CCDC60: variants seen among roughly 807,000 people sequenced by gnomAD.
The protein encoded by CCDC60 is coiled-coil domain containing 60.
Under a neutral mutation model 63.5 loss-of-function variants are expected in CCDC60, and 54 were observed. The observed-to-expected ratio is 0.85, with a 90% CI of 0.68 to 1.07. The LOEUF is 1.07. CCDC60 is among the 50% of genes least tolerant of loss of function. CCDC60 has a pLI of 0.00. For synonymous variants in CCDC60, 206 were observed against 238.8 expected, an observed-to-expected ratio of 0.86 and a Z score of 1.27; for missense variants, 651 against 684.3, an observed-to-expected ratio of 0.95 and a Z score of 0.54.
At chr12:119,363,269 CTGA>C (rs1955809165) in intron 1 of CCDC60, among the ~76,000 whole-genome samples, 2 of 152,090 alleles carry the variant, frequency 1.3e-5, no homozygotes, top group African/African-American at 4.8e-5. Context: ...CTGAATTTTC[CTGA>C]TGAGTAATGA....
At chr12:119,395,550 G>A (rs1956236929) in intron 1 of CCDC60, among the ~76,000 whole-genome samples, 1 of 152,180 alleles carries the variant, frequency 6.6e-6, no homozygotes, top group South Asian at 2.1e-4. Flanking sequence ...CCACCCTCAT[G>A]AACCAATCAC....
At chr12:119,434,507 A>G (rs1396601087) in intron 2 of CCDC60, among the ~76,000 whole-genome samples, 1 of 152,186 alleles carries the variant, frequency 6.6e-6, no homozygotes, top group Non-Finnish European at 1.5e-5. Flanking sequence ...CAAATTAACA[A>G]GTAAATAAGC....
intron 1 of CCDC60, among the ~76,000 whole-genome samples, chr12:119,381,433 T>G (rs1956006807): frequency 6.6e-6 from 1 of 152,112 alleles, no homozygotes; most frequent in African/African-American, 2.4e-5. Context: ...GGAATTGGAG[T>G]CTGTGGTTGC....
At position 119,346,774 on chromosome 12, in the gene CCDC60, C is replaced by CTCTTTCTTTCTTTCTTTCTTTCTT. The variant is rs61270891; in HGVS notation, c.90+11546_90+11569dup. Among the ~76,000 whole-genome samples, 23 of 125,394 alleles carry CTCTTTCTTTCTTTCTTTCTTTCTT rather than the reference C, an allele frequency of 1.8e-4. 1 individual carries two copies. The highest frequency in any genetic ancestry group is 3.5e-4 in the Admixed American group (4 of 11,584). 82.3% of individuals were successfully genotyped at this position (125,394 alleles called of 152,430 possible). On this transcript the variant is annotated intron_variant, in intron 1 of 13. Coordinates refer to ENST00000327554, the MANE Select transcript of CCDC60 (RefSeq NM_178499.5). ...CTGCATGTGGCTTAGACTCATCTTT[C>CTCTTTCTTTCTTTCTTTCTTTCTT]TCTTTCTTTCTTTCTTTCTTTCTTT...
intron 1 of CCDC60, among the ~76,000 whole-genome samples, chr12:119,403,432 G>A (rs1479030459): frequency 1.3e-5 from 2 of 152,176 alleles, no homozygotes; most frequent in East Asian, 3.8e-4. Context: ...TGGGCTTGGA[G>A]TCTAGGAGCA....
chr12:119,374,417 G>A (rs1481786417), intron 1 of CCDC60, among the ~76,000 whole-genome samples: 1 of 152,146 alleles, frequency 6.6e-6, no homozygotes, highest in Non-Finnish European at 1.5e-5. Flanking sequence ...AACTTCAGAG[G>A]TAGTAAGTAT....
At chr12:119,421,117 T>C (rs1177287229) in intron 1 of CCDC60, among the ~76,000 whole-genome samples, 1 of 152,194 alleles carries the variant, frequency 6.6e-6, no homozygotes, top group Non-Finnish European at 1.5e-5. Context: ...TTAACAGGAA[T>C]TCACTTCCAT....
intron 1 of CCDC60, among the ~76,000 whole-genome samples, chr12:119,427,980 TA>T (rs1295191121): frequency 2.0e-5 from 3 of 151,892 alleles, no homozygotes; most frequent in Admixed American, 1.3e-4. Flanking sequence ...ATCCTGTCTC[TA>T]AAAAAAATAA....
chr12:119,390,016 A>G (rs1956128906), intron 1 of CCDC60, among the ~76,000 whole-genome samples: 1 of 152,220 alleles, frequency 6.6e-6, no homozygotes, highest in Non-Finnish European at 1.5e-5. Flanking sequence ...TTTAGTCTGT[A>G]ATGATGCATA....
At chr12:119,378,086 C>T (rs750119147) in intron 1 of CCDC60, among the ~76,000 whole-genome samples, 1 of 152,188 alleles carries the variant, frequency 6.6e-6, no homozygotes, top group Non-Finnish European at 1.5e-5. Context: ...TCACATAGAG[C>T]CCGAGAGATC....
chr12:119,447,581 A>T (rs1950564364), intron 2 of CCDC60, among the ~76,000 whole-genome samples: 1 of 152,320 alleles, frequency 6.6e-6, no homozygotes, highest in East Asian at 1.9e-4. Flanking sequence ...CAGGTCCATA[A>T]GAGCAATCCC....
chr12:119,404,713 G>A (rs151024714), intron 1 of CCDC60, among the ~76,000 whole-genome samples: 35 of 152,234 alleles, frequency 2.3e-4, no homozygotes, highest in African/African-American at 7.5e-4. Context: ...AGGCAGATAG[G>A]GCACTCTTGA....
chr12:119,422,810 T>G (rs1332874427), intron 1 of CCDC60, among the ~76,000 whole-genome samples: 1 of 152,196 alleles, frequency 6.6e-6, no homozygotes, highest in African/African-American at 2.4e-5. Flanking sequence ...CTTTTCCTGA[T>G]TTTCTATTAG....
At chr12:119,524,714 T>C (rs932401272) in intron 11 of CCDC60, among the ~76,000 whole-genome samples, 2 of 134,030 alleles carry the variant, frequency 1.5e-5, no homozygotes. Context: ...TTCTTTTCTT[T>C]TCTTTTCTTT....
chr12:119,489,307 T>C lies in CCDC60; in HGVS notation c.557+441T>C, dbSNP rs551834755. Among the ~76,000 whole-genome samples, 5 of 152,318 alleles carry C rather than the reference T, an allele frequency of 3.3e-5. No homozygotes were observed. In the South Asian group the frequency reaches 1.0e-3, roughly 32 times the overall value. The stretch of plus-strand genomic sequence containing the variant: ...CTTTTAATCTTTCTTTTCTTTTTGT[T>C]TTTGTTTTTATCCTTTCTTTCAAGG... On this transcript the variant is annotated intron_variant, in intron 5 of 13. Transcript: ENST00000327554.
chr12:119,449,640 C>T (rs1229650066), intron 2 of CCDC60, among the ~76,000 whole-genome samples: 1 of 152,124 alleles, frequency 6.6e-6, no homozygotes, highest in Non-Finnish European at 1.5e-5. Context: ...TCTCTATGTG[C>T]TAGTCACTGT....
chr12:119,433,275 A>C, intron 2 of CCDC60: 1 of 627,346 alleles, frequency 1.6e-6, no homozygotes, highest in Non-Finnish European at 2.8e-6. Context: ...AAAAGGTGAT[A>C]CAGGCAACAG....
intron 13 of CCDC60, among the ~76,000 whole-genome samples, chr12:119,540,031 A>G (rs150881177): frequency 7.9e-4 from 121 of 152,262 alleles, no homozygotes; most frequent in African/African-American, 2.5e-3. Context: ...ACCAGTCCCA[A>G]TGAGATGAGC....
intron 1 of CCDC60, among the ~76,000 whole-genome samples, chr12:119,406,296 A>G (rs1956490657): frequency 6.6e-6 from 1 of 152,006 alleles, no homozygotes; most frequent in Non-Finnish European, 1.5e-5. Flanking sequence ...TGAGGGTCTC[A>G]TCAGCTCCCC....
Sources: allele counts gnomAD v4.1 joint callset (sites outside exome capture counted in the v4.1 genomes callset), GRCh38; gene constraint gnomAD v4.1.1; transcripts MANE v1.5; gene names NCBI Gene and HGNC (gene_info 2026-07-23, HGNC 2026-07-21).